Variants in ZNF157 observed in about 807,000 individuals in gnomAD.
The protein encoded by ZNF157 is zinc finger protein 157.
In ZNF157, 8 loss-of-function variants were observed where a neutral mutation model predicts 9.4. The ratio of observed to expected loss-of-function variants is 0.85; its 90% CI spans 0.50 to 1.53. The LOEUF (loss-of-function observed/expected upper bound fraction) is 1.53, where lower values mean the gene tolerates loss of function less well. ZNF157 is among the 40% of genes most tolerant of loss of function. The probability of loss-of-function intolerance (pLI) is 0.00; values close to 1 mark genes in which losing one functional copy is unlikely to be tolerated. For missense variants in ZNF157, 316 were observed against 385.2 expected, an observed-to-expected ratio of 0.82 and a Z score of 1.50; for synonymous variants, 120 against 130.8, an observed-to-expected ratio of 0.92 and a Z score of 0.56.
At chrX:47,403,364 A>G (rs1486592710) in intron 1 of ZNF157, among the ~76,000 whole-genome samples, 1 of 110,324 alleles carries the variant, frequency 9.1e-6, no homozygotes, top group Non-Finnish European at 1.9e-5. Flanking sequence ...ATGGGGTCTC[A>G]CTCTTGTCAC....
chrX:47,409,288 C>A (rs1430952974), intron 1 of ZNF157, among the ~76,000 whole-genome samples: 2 of 111,993 alleles, frequency 1.8e-5, no homozygotes, highest in Non-Finnish European at 3.8e-5. Flanking sequence ...ATACTGTCTC[C>A]CTTTCTCCCA....
intron 1 of ZNF157, among the ~76,000 whole-genome samples, chrX:47,402,486 C>T (rs1028335293): frequency 5.5e-5 from 6 of 109,677 alleles, no homozygotes; most frequent in South Asian, 3.9e-4. Context: ...TTGTAGTTTT[C>T]GGCTTATATA....
rs1448387634 is a variant in ZNF157, at chrX:47,413,534, A to G, written c.1461A>G (p.Glu487=). The change falls in exon 4 of 4, where the codon GAA becomes GAG. Residue 487 remains glutamate (E), a synonymous_variant. Coordinates refer to ENST00000377073, the MANE Select transcript of ZNF157 (RefSeq NM_003446.4). ...KAFCRKAHLT[E]HQRTHIGWSW... is the part of the protein sequence containing the mutation. ...TCTGCCGGAAAGCACACCTCACAGA[A>G]CATCAGAGAACTCACATAGGCTGGT... 1 of 1,210,651 alleles carries G rather than the reference A, an allele frequency of 8.3e-7. No individual in the cohort carries two copies. Among genetic ancestry groups the G allele is most frequent in the Admixed American group, 2.2e-5 (1 of 45,920 alleles).
At chrX:47,394,015 G>T (rs1240365489) in intron 1 of ZNF157, among the ~76,000 whole-genome samples, 1 of 106,932 alleles carries the variant, frequency 9.4e-6, no homozygotes, top group African/African-American at 3.4e-5. Flanking sequence ...CAGGCTGAAG[G>T]GCAGTGGCAC....
intron 1 of ZNF157, among the ~76,000 whole-genome samples, chrX:47,398,359 T>C (rs938451438): frequency 8.9e-6 from 1 of 111,769 alleles, no homozygotes; most frequent in Non-Finnish European, 1.9e-5. Context: ...ATGGTCCCAT[T>C]GCCCCACTCC....
chrX:47,383,499 C>T (rs1354329614), intron 1 of ZNF157, among the ~76,000 whole-genome samples: 1 of 104,005 alleles, frequency 9.6e-6, no homozygotes, highest in Non-Finnish European at 2.0e-5. Context: ...AATTCAAAAC[C>T]AGCCTGGGCA....
chrX:47,410,082 G>T (rs138236721), intron 1 of ZNF157, among the ~76,000 whole-genome samples, 194 bp from the exon 2 acceptor site: 89 of 111,500 alleles, frequency 8.0e-4, no homozygotes, highest in Middle Eastern at 4.7e-3. Flanking sequence ...TTTTTTTCAT[G>T]CATTAATAAA....
intron 1 of ZNF157, among the ~76,000 whole-genome samples, chrX:47,377,068 T>C (rs1408412285): frequency 9.0e-6 from 1 of 111,269 alleles, no homozygotes. Flanking sequence ...CTGGACCTAA[T>C]GGATCAGCTG....
chrX:47,373,864 A>T (rs4824421), intron 1 of ZNF157, among the ~76,000 whole-genome samples: 48 of 99,053 alleles, frequency 4.8e-4, no homozygotes, highest in Admixed American at 2.0e-3. Flanking sequence ...ATTAAAAAAA[A>T]TTTTTTTTTT....
At chrX:47,392,218 G>A (rs1163835315) in intron 1 of ZNF157, 2 of 140,467 alleles carry the variant, frequency 1.4e-5, no homozygotes, top group African/African-American at 6.3e-5. Flanking sequence ...AATAGCAACA[G>A]AACTGTTTGA....
At chrX:47,375,856 G>A (rs2055843584) in intron 1 of ZNF157, among the ~76,000 whole-genome samples, 1 of 111,066 alleles carries the variant, frequency 9.0e-6, no homozygotes, top group Non-Finnish European at 1.9e-5. Context: ...ACCATGTCTG[G>A]CTAATTTTCA....
At chrX:47,407,063 T>C (rs2055949454) in intron 1 of ZNF157, among the ~76,000 whole-genome samples, 1 of 112,242 alleles carries the variant, frequency 8.9e-6, no homozygotes, top group Non-Finnish European at 1.9e-5. Flanking sequence ...GGAATGAATG[T>C]TGAATTTTGT....
intron 1 of ZNF157, among the ~76,000 whole-genome samples, chrX:47,381,414 T>C (rs905730202): frequency 8.9e-6 from 1 of 112,214 alleles, no homozygotes; most frequent in Non-Finnish European, 1.9e-5. Context: ...CTCTGTTTAC[T>C]TATATATTCT....
chrX:47,385,178 C>T (rs1462659981), intron 1 of ZNF157, among the ~76,000 whole-genome samples: 1 of 112,161 alleles, frequency 8.9e-6, no homozygotes, highest in Admixed American at 9.5e-5. Context: ...CGTGTCATCA[C>T]TTTAGTGTTA....
chrX:47,385,037 CA>C (rs1415864787), intron 1 of ZNF157, among the ~76,000 whole-genome samples: 1 of 111,615 alleles, frequency 9.0e-6, no homozygotes, highest in Admixed American at 9.6e-5. Context: ...CTCCAGCTCT[CA>C]ACTGACCAAC....
chrX:47,398,728 C>T (rs1269082898), intron 1 of ZNF157, among the ~76,000 whole-genome samples: 1 of 109,966 alleles, frequency 9.1e-6, no homozygotes, highest in Non-Finnish European at 1.9e-5. Flanking sequence ...GTCACTCAGG[C>T]TGGAATGCAA....
chrX:47,385,396 A>G (rs965044038), intron 1 of ZNF157, among the ~76,000 whole-genome samples: 2 of 111,484 alleles, frequency 1.8e-5, no homozygotes, highest in South Asian at 3.8e-4. Flanking sequence ...CCCATGAGCT[A>G]AATATTCACA....
At chrX:47,393,723 C>T (rs1602766803) in intron 1 of ZNF157, among the ~76,000 whole-genome samples, 1 of 77,129 alleles carries the variant, frequency 1.3e-5, no homozygotes, top group East Asian at 3.8e-4. Flanking sequence ...GAGCTACCAT[C>T]CCCGCCACCC....
At chrX:47,377,194 C>CA (rs1480083744) in intron 1 of ZNF157, among the ~76,000 whole-genome samples, 1 of 109,489 alleles carries the variant, frequency 9.1e-6, no homozygotes, top group Non-Finnish European at 1.9e-5. Context: ...CCTGACCAAT[C>CA]AGCACTCCCG....
Sources: gnomAD v4.1 joint callset for allele counts (sites outside exome capture counted in the v4.1 genomes callset) on GRCh38, gnomAD v4.1.1 for gene constraint, MANE v1.5 for transcripts, NCBI Gene and HGNC (gene_info 2026-07-23, HGNC 2026-07-21) for gene names.